PARD3B: variants seen among roughly 807,000 people sequenced by gnomAD.
The protein encoded by PARD3B is partitioning defective 3 homolog B.
A neutral mutation model predicts 130.2 loss-of-function variants in PARD3B; 103 were observed. The ratio of observed to expected loss-of-function variants is 0.79; its 90% CI spans 0.67 to 0.93. The LOEUF is 0.93. Among genes scored for constraint, PARD3B ranks in the 40% least tolerant of loss-of-function variants. PARD3B has a pLI of 0.00. For missense variants in PARD3B, 1,609 were observed against 1,499.2 expected, an observed-to-expected ratio of 1.07 and a Z score of -1.21; for synonymous variants, 583 against 553.2, an observed-to-expected ratio of 1.05 and a Z score of -0.76.
At position 205,269,988 on chromosome 2, in the gene PARD3B, A is replaced by C. The variant is rs1233251724; in HGVS notation, c.2185+24166A>C. On this transcript the variant is annotated intron_variant, in intron 16 of 22. Coordinates refer to ENST00000406610, the MANE Select transcript of PARD3B (RefSeq NM_001302769.2). This position sits in a 1 kb window ranked among gnomAD's most constrained non-coding sequence, Gnocchi z 4.7. The stretch of plus-strand genomic sequence containing the variant: ...ATACCTAAATACATTAAAATGACTA[A>C]AGGAGTGTAATTGGCTTGTTTGTAA... Among the ~76,000 whole-genome samples the C allele has an allele frequency of 6.6e-6, 1 of 152,158 alleles. No homozygotes were observed. The highest frequency in any genetic ancestry group is 1.5e-5 in the Non-Finnish European group (1 of 68,024).
chr2:205,108,423 A>T lies in PARD3B; in HGVS notation c.593+3909A>T, dbSNP rs1480031793. On this transcript the variant is annotated intron_variant, in intron 5 of 22. Transcript: ENST00000406610. ...AGCTTTGATCTCAAGCTAATGGTTT[A>T]ATCTGTCTCCTGTACACAGCACCTT... Among the ~76,000 whole-genome samples the T allele has an allele frequency of 2.6e-5, 4 of 152,142 alleles. No individual in the cohort carries two copies. The East Asian group carries it at 7.7e-4, about 29-fold the overall frequency.
chr2:204,912,151 C>A (rs1320230471), intron 2 of PARD3B, among the ~76,000 whole-genome samples: 3 of 152,016 alleles, frequency 2.0e-5, no homozygotes, highest in Admixed American at 2.0e-4. Flanking sequence ...TAATTTTCTG[C>A]CTGGAAGGGA....
intron 18 of PARD3B, among the ~76,000 whole-genome samples, chr2:205,327,830 T>G (rs377319405): frequency 1.1e-4 from 17 of 152,230 alleles, no homozygotes; most frequent in Non-Finnish European, 2.4e-4. Flanking sequence ...CTTTTTCTTA[T>G]TACTATCAAG....
At chr2:205,000,023 T>G (rs147513663) in intron 3 of PARD3B, among the ~76,000 whole-genome samples, 123 of 152,248 alleles carry the variant, frequency 8.1e-4, no homozygotes, top group African/African-American at 2.9e-3. Context: ...CACAGGGTTT[T>G]TTTTTTTTTA....
intron 20 of PARD3B, among the ~76,000 whole-genome samples, chr2:205,498,061 G>A (rs1211987574): frequency 2.3e-5 from 3 of 129,854 alleles, no homozygotes; most frequent in South Asian, 2.5e-4. Flanking sequence ...TTTGCTGGGC[G>A]TGGTGGCAGG....
intron 20 of PARD3B, among the ~76,000 whole-genome samples, chr2:205,450,255 T>A (rs2048050140): frequency 6.6e-6 from 1 of 152,138 alleles, no homozygotes; most frequent in Non-Finnish European, 1.5e-5. Flanking sequence ...AGGAAGGTTA[T>A]TGATTGTATC....
intron 16 of PARD3B, among the ~76,000 whole-genome samples, chr2:205,277,831 C>A (rs2041011461): frequency 6.6e-6 from 1 of 152,046 alleles, no homozygotes. Context: ...CAAAGGGAGC[C>A]CTACAGGAGT....
intron 1 of PARD3B, among the ~76,000 whole-genome samples, chr2:204,581,848 G>T (rs867488722): frequency 1.8e-4 from 27 of 152,306 alleles, no homozygotes; most frequent in Non-Finnish European, 3.5e-4. Flanking sequence ...GAACTAATGT[G>T]GGGTTGGACC....
In PARD3B at chr2:204,842,679, C is replaced by G. The variant is rs73066690; in HGVS notation, c.223-122473C>G. Among the ~76,000 whole-genome samples, 980 of 152,258 alleles carry G rather than the reference C, an allele frequency of 6.4e-3. 9 individuals carry two copies. The highest frequency in any genetic ancestry group is 0.022 in the African/African-American group (918 of 41,526). ...CTGGTTAGAATTGCTGAGCAAATGT[C>G]TGGAAAAGATGATTTTGAAACAATG... On this transcript the variant is annotated intron_variant, in intron 2 of 22. Transcript: ENST00000406610.
At position 205,277,084 on chromosome 2, in the gene PARD3B, A is replaced by G. The variant is rs1277748050; in HGVS notation, c.2186-23446A>G. On this transcript the variant is annotated intron_variant, in intron 16 of 22. Transcript: ENST00000406610. ...GCTCTTCAGGAATTAAGGAGAGGCA[A>G]CCTTCTAGGTTACAGTCAGGAAGGT... Among the ~76,000 whole-genome samples, 6 of 152,198 alleles carry G rather than the reference A, an allele frequency of 3.9e-5. No homozygotes were observed. In the South Asian group the frequency reaches 6.2e-4, roughly 16 times the overall value.
chr2:204,959,059 A>G (rs535411205), intron 2 of PARD3B, among the ~76,000 whole-genome samples: 11 of 152,218 alleles, frequency 7.2e-5, no homozygotes, highest in Admixed American at 7.2e-4. Flanking sequence ...TGCTATACCT[A>G]TCAACCCATC....
chr2:205,172,188 T>C (rs2035210199), intron 11 of PARD3B, 23 bp from the exon 12 acceptor site: 2 of 1,610,778 alleles, frequency 1.2e-6, no homozygotes, highest in South Asian at 2.2e-5. Flanking sequence ...TGTTGAATAT[T>C]GTTTTCCTTT....
At chr2:204,694,241 C>T (rs1194162111) in intron 2 of PARD3B, among the ~76,000 whole-genome samples, 1 of 152,028 alleles carries the variant, frequency 6.6e-6, no homozygotes, top group African/African-American at 2.4e-5. Context: ...ATTTGTAAAT[C>T]ATCTCAATCT....
At chr2:205,565,231 G>A (rs2053279784) in intron 22 of PARD3B, among the ~76,000 whole-genome samples, 1 of 152,168 alleles carries the variant, frequency 6.6e-6, no homozygotes, top group African/African-American at 2.4e-5. Flanking sequence ...AATTGTTACA[G>A]CAGAGGTTTA....
chr2:204,943,550 A>G lies in PARD3B; in HGVS notation c.223-21602A>G, dbSNP rs1689081815. Among the ~76,000 whole-genome samples, 2 of 152,128 alleles carry G rather than the reference A, an allele frequency of 1.3e-5. No individual in the cohort carries two copies. Among genetic ancestry groups the G allele is most frequent in the Admixed American group, 6.5e-5 (1 of 15,274 alleles). On this transcript the variant is annotated intron_variant, in intron 2 of 22. Transcript: ENST00000406610. This position sits in a 1 kb window ranked among gnomAD's most constrained non-coding sequence, Gnocchi z 4.2. ...TTTGAGGATCCTGCAAATTGCTCGTAATGGAGGTAAATGGCTTGTGCCATG... is the reference window on the plus strand; with the variant it reads ...TTTGAGGATCCTGCAAATTGCTCGTGATGGAGGTAAATGGCTTGTGCCATG...
intron 21 of PARD3B, among the ~76,000 whole-genome samples, chr2:205,500,732 T>C (rs2050128596): frequency 6.6e-6 from 1 of 152,206 alleles, no homozygotes; most frequent in Non-Finnish European, 1.5e-5. Flanking sequence ...GAAATGTGCA[T>C]GCACATCAGA....
chr2:205,408,917 C>T (rs1046074992), intron 19 of PARD3B, among the ~76,000 whole-genome samples: 1 of 152,122 alleles, frequency 6.6e-6, no homozygotes, highest in Non-Finnish European at 1.5e-5. Context: ...CTGATCAGAT[C>T]ATGGGCTGGA....
intron 20 of PARD3B, among the ~76,000 whole-genome samples, chr2:205,477,062 C>T (rs1231798978): frequency 6.6e-6 from 1 of 152,170 alleles, no homozygotes; most frequent in Non-Finnish European, 1.5e-5. Context: ...AACTACATGT[C>T]TGGCTTTGGG....
chr2:205,378,413 G>A (rs1559029951), intron 18 of PARD3B, among the ~76,000 whole-genome samples: 1 of 151,996 alleles, frequency 6.6e-6, no homozygotes, highest in Non-Finnish European at 1.5e-5. Flanking sequence ...AGGTGGAAGG[G>A]AAAAAAGAAG....
Sources: gnomAD v4.1 joint callset for allele counts (sites outside exome capture counted in the v4.1 genomes callset) on GRCh38, gnomAD v4.1.1 for gene constraint, Gnocchi (gnomAD v3.1) non-coding constraint, MANE v1.5 for transcripts, NCBI Gene and HGNC (gene_info 2026-07-23, HGNC 2026-07-21) for gene names.